The following GRID1 variants were observed in gnomAD, a reference collection of about 807,000 sequenced individuals.
GRID1 encodes glutamate ionotropic receptor delta type subunit 1.
Under a neutral mutation model 98.0 loss-of-function variants are expected in GRID1, and 28 were observed. That is an observed-to-expected ratio of 0.29 (90% CI 0.21 to 0.39). GRID1 has a LOEUF of 0.39. Among genes scored for constraint, GRID1 ranks in the 10% least tolerant of loss-of-function variants. The probability of loss-of-function intolerance (pLI) is 1.00; values close to 1 mark genes in which losing one functional copy is unlikely to be tolerated. For missense variants in GRID1, 1,111 were observed against 1,340.5 expected (o/e 0.83, Z 2.67); for synonymous variants, 553 against 538.5 (o/e 1.03, Z -0.37).
intron 12 of GRID1, among the ~76,000 whole-genome samples, chr10:85,672,006 T>C (rs1238778966): frequency 6.6e-6 from 1 of 152,190 alleles, no homozygotes; most frequent in African/African-American, 2.4e-5. Context: ...GGTTGGTTCA[T>C]GAGGTTTAAG....
chr10:85,797,851 T>C (rs1347566471), intron 8 of GRID1, among the ~76,000 whole-genome samples: 1 of 152,202 alleles, frequency 6.6e-6, no homozygotes, highest in African/African-American at 2.4e-5. Flanking sequence ...GTTCCTGTGT[T>C]AGTTCACTTA....
At chr10:86,249,645 T>G (rs1011011701) in intron 2 of GRID1, among the ~76,000 whole-genome samples, 11 of 152,114 alleles carry the variant, frequency 7.2e-5, no homozygotes, top group African/African-American at 2.4e-4. Context: ...GATAGCTGTT[T>G]CAGGCCTCTA....
Position 85,741,816 on chromosome 10 carries a change from C to G in GRID1, c.1234-12202G>C, listed in dbSNP as rs541101909. 3.3e-5 allele frequency among the ~76,000 whole-genome samples: 5 copies of G among 152,156 alleles called. No homozygotes were observed. The South Asian group carries it at 8.3e-4, about 25-fold the overall frequency. On this transcript the variant is annotated intron_variant, in intron 8 of 15. Coordinates refer to ENST00000327946, the MANE Select transcript of GRID1 (RefSeq NM_017551.3). ...CCCAACCATCACACTTTCTACCTCG[C>G]TCACTACACCCCACCGACACTGGCC...
intron 12 of GRID1, among the ~76,000 whole-genome samples, chr10:85,720,012 G>A (rs1841682248): frequency 6.6e-6 from 1 of 152,012 alleles, no homozygotes. Flanking sequence ...GTTGTATACT[G>A]TAAATTTTTA....
At chr10:86,221,304 G>T (rs1041631363) in intron 2 of GRID1, among the ~76,000 whole-genome samples, 3 of 152,186 alleles carry the variant, frequency 2.0e-5, no homozygotes, top group African/African-American at 7.2e-5. Context: ...GGTTGGTGAG[G>T]CTCCATCTTC....
At chr10:85,919,414 C>T (rs1322781812) in intron 4 of GRID1, among the ~76,000 whole-genome samples, 1 of 152,176 alleles carries the variant, frequency 6.6e-6, no homozygotes, top group African/African-American at 2.4e-5. Context: ...TTTCTGCAGC[C>T]TTTTCCAGAG....
intron 2 of GRID1, among the ~76,000 whole-genome samples, chr10:86,285,259 C>A (rs1008755962): frequency 7.2e-5 from 11 of 152,180 alleles, no homozygotes; most frequent in African/African-American, 2.7e-4. Flanking sequence ...GGCTCTGAAG[C>A]CAGACACCCT....
chr10:86,310,624 C>T (rs1023042662), intron 2 of GRID1, among the ~76,000 whole-genome samples: 3 of 152,216 alleles, frequency 2.0e-5, no homozygotes, highest in African/African-American at 7.2e-5. Flanking sequence ...AGGCTTCCCA[C>T]TGCGCCACGC....
intron 8 of GRID1, among the ~76,000 whole-genome samples, chr10:85,743,112 C>CT (rs1554828631): frequency 1.5e-5 from 2 of 131,940 alleles, no homozygotes; most frequent in Non-Finnish European, 3.4e-5. Context: ...GCAGCCCCCC[C>CT]CCCCACCACC....
intron 2 of GRID1, among the ~76,000 whole-genome samples, chr10:86,225,545 C>T (rs565415270): frequency 6.6e-6 from 1 of 152,322 alleles, no homozygotes; most frequent in African/African-American, 2.4e-5. Context: ...CTGGAGACAG[C>T]AGGGTCCAGA....
chr10:86,197,605 G>A (rs910148088), intron 3 of GRID1, among the ~76,000 whole-genome samples: 3 of 152,196 alleles, frequency 2.0e-5, no homozygotes, highest in East Asian at 1.9e-4. Flanking sequence ...AAGAGGAAAC[G>A]GGGGACGATC....
intron 3 of GRID1, among the ~76,000 whole-genome samples, chr10:86,184,126 T>A (rs1174994935): frequency 6.6e-6 from 1 of 152,234 alleles, no homozygotes; most frequent in Non-Finnish European, 1.5e-5. Flanking sequence ...TATTACTGAG[T>A]TTTAAGAGTT....
rs368688667 is a variant in GRID1, at chr10:86,136,742, G to A, written c.726+2077C>T. 8.7e-4 allele frequency among the ~76,000 whole-genome samples: 133 copies of A among 152,254 alleles called. 1 individual carries two copies. The highest frequency in any genetic ancestry group is 6.8e-3 in the Middle Eastern group (2 of 294). On this transcript the variant is annotated intron_variant, in intron 4 of 15. Transcript: ENST00000327946. ...GTTGGCCCAAAGTCCAAATGCCATC[G>A]TTCCCCTCAATCTCCTGCCAACAAT...
intron 8 of GRID1, among the ~76,000 whole-genome samples, chr10:85,838,755 A>G (rs1472507660): frequency 6.6e-6 from 1 of 152,200 alleles, no homozygotes; most frequent in Non-Finnish European, 1.5e-5. Flanking sequence ...CTGCATAATA[A>G]CCAGCTAACA....
At chr10:85,645,273 G>T (rs116685993) in intron 13 of GRID1, among the ~76,000 whole-genome samples, 1 of 152,084 alleles carries the variant, frequency 6.6e-6, no homozygotes, top group Non-Finnish European at 1.5e-5. Context: ...AAGGGAACGC[G>T]AAGGCCATTT....
chr10:85,997,460 T>C (rs1269902234), intron 4 of GRID1, among the ~76,000 whole-genome samples: 2 of 151,924 alleles, frequency 1.3e-5, no homozygotes, highest in Non-Finnish European at 2.9e-5. Context: ...GGGAACTAAA[T>C]GGTGGCAAGA....
intron 2 of GRID1, among the ~76,000 whole-genome samples, chr10:86,297,534 A>C (rs901347461): frequency 6.6e-6 from 1 of 152,218 alleles, no homozygotes; most frequent in Non-Finnish European, 1.5e-5. Context: ...AGAAGGAAAA[A>C]TTTATCTATT....
At chr10:86,112,713 T>C (rs1157336474) in intron 4 of GRID1, among the ~76,000 whole-genome samples, 1 of 152,084 alleles carries the variant, frequency 6.6e-6, no homozygotes, top group Admixed American at 6.5e-5. Flanking sequence ...AACACAAAAG[T>C]GATGCTGATG....
intron 4 of GRID1, among the ~76,000 whole-genome samples, chr10:85,938,464 G>T (rs1841955643): frequency 6.6e-6 from 1 of 152,104 alleles, no homozygotes; most frequent in Non-Finnish European, 1.5e-5. Flanking sequence ...ACTATATGCT[G>T]GGCAGTGTGC....
Sources: allele counts gnomAD v4.1 joint callset (sites outside exome capture counted in the v4.1 genomes callset), GRCh38; gene constraint gnomAD v4.1.1; transcripts MANE v1.5; gene names NCBI Gene and HGNC (gene_info 2026-07-23, HGNC 2026-07-21).